CCNY: variants seen among roughly 807,000 people sequenced by gnomAD.
CCNY encodes the protein cyclin-Y.
A neutral mutation model predicts 42.8 loss-of-function variants in CCNY; 19 were observed. The observed-to-expected ratio is 0.44, with a 90% CI of 0.31 to 0.65. The LOEUF (loss-of-function observed/expected upper bound fraction) is 0.65, where lower values mean the gene tolerates loss of function less well. Among genes scored for constraint, CCNY ranks in the 30% least tolerant of loss-of-function variants. CCNY has a pLI of 0.07. For synonymous variants in CCNY, 165 were observed against 162.7 expected (o/e 1.01, Z -0.11); for missense variants, 370 against 437.3 (o/e 0.85, Z 1.37).
upstream of CCNY, among the ~76,000 whole-genome samples, chr10:35,332,790 G>A (rs1264318521): frequency 6.6e-6 from 1 of 152,132 alleles, no homozygotes; most frequent in Non-Finnish European, 1.5e-5. Context: ...ATTTTTAATA[G>A]AGACAGGGTT....
intron 1 of CCNY, among the ~76,000 whole-genome samples, chr10:35,346,814 A>G (rs754422440): frequency 1.4e-4 from 22 of 152,104 alleles, no homozygotes; most frequent in Admixed American, 2.6e-4. Flanking sequence ...TTTTGTAGAG[A>G]CAGGGTTACG....
At chr10:35,338,110 G>A (rs1420855040) in intron 1 of CCNY, among the ~76,000 whole-genome samples, 1 of 152,148 alleles carries the variant, frequency 6.6e-6, no homozygotes, top group Non-Finnish European at 1.5e-5. Flanking sequence ...TTTATGACAA[G>A]GTGATTTTTT....
intron 1 of CCNY, among the ~76,000 whole-genome samples, chr10:35,344,749 C>T (rs983461505): frequency 6.6e-5 from 10 of 152,052 alleles, no homozygotes; most frequent in Admixed American, 3.3e-4. Context: ...CAACAGGCCC[C>T]GGTGTGTGAT....
At chr10:35,258,646 C>T (rs1565054655) in intron 3 of CCNY, among the ~76,000 whole-genome samples, 2 of 152,102 alleles carry the variant, frequency 1.3e-5, no homozygotes, top group Non-Finnish European at 2.9e-5. Flanking sequence ...GTTCAATCTG[C>T]CTTAGAAACA....
chr10:35,359,192 T>A (rs1216032752), intron 1 of CCNY, among the ~76,000 whole-genome samples: 1 of 152,188 alleles, frequency 6.6e-6, no homozygotes, highest in Non-Finnish European at 1.5e-5. Flanking sequence ...TCAGTGTTAC[T>A]CCCCAGCTGT....
intron 1 of CCNY, among the ~76,000 whole-genome samples, chr10:35,447,620 T>C (rs1040172906): frequency 1.3e-5 from 2 of 152,098 alleles, no homozygotes; most frequent in African/African-American, 4.8e-5. Flanking sequence ...AGGTTTGAGG[T>C]GTTGTTTAGT....
intron 2 of CCNY, among the ~76,000 whole-genome samples, chr10:35,484,718 ACT>A (rs1349058806): frequency 6.6e-6 from 1 of 152,224 alleles, no homozygotes; most frequent in Non-Finnish European, 1.5e-5. Flanking sequence ...TTTTGCAGAC[ACT>A]GATAGTACTA....
At chr10:35,309,535 C>T (rs1291339809) in intron 3 of CCNY, among the ~76,000 whole-genome samples, 1 of 152,076 alleles carries the variant, frequency 6.6e-6, no homozygotes, top group African/African-American at 2.4e-5. Context: ...ATACTTCTGC[C>T]TCACTCTCCC....
intron 1 of CCNY, among the ~76,000 whole-genome samples, chr10:35,398,228 A>G (rs942652672): frequency 1.3e-5 from 2 of 152,164 alleles, no homozygotes; most frequent in African/African-American, 4.8e-5. Context: ...CTGGCCCTCC[A>G]TTCTCTGCAG....
chr10:35,420,943 A>G (rs1165840852), intron 1 of CCNY, among the ~76,000 whole-genome samples: 2 of 152,252 alleles, frequency 1.3e-5, no homozygotes, highest in Non-Finnish European at 2.9e-5. Context: ...CATACCCTGC[A>G]GCATTTTAAG....
At chr10:35,339,823 G>A (rs1253310915) in intron 1 of CCNY, among the ~76,000 whole-genome samples, 1 of 152,104 alleles carries the variant, frequency 6.6e-6, no homozygotes. Context: ...GCAACTTAAT[G>A]TGTCTTTTTG....
chr10:35,312,141 G>A (rs1449022079), intron 3 of CCNY, among the ~76,000 whole-genome samples: 2 of 152,162 alleles, frequency 1.3e-5, no homozygotes, highest in South Asian at 2.1e-4. Context: ...CCTTTGGGAC[G>A]CTGAGGCAGG....
chr10:35,322,719 A>C (rs1454092695), intron 3 of CCNY, among the ~76,000 whole-genome samples: 1 of 152,232 alleles, frequency 6.6e-6, no homozygotes, highest in Non-Finnish European at 1.5e-5. Flanking sequence ...TTAGTATCCA[A>C]CATGCACACA....
intron 1 of CCNY, among the ~76,000 whole-genome samples, chr10:35,341,436 CACTTTATGATAT>C (rs893915992): frequency 3.3e-5 from 5 of 152,360 alleles, no homozygotes; most frequent in Admixed American, 2.0e-4. Flanking sequence ...TATTCCTTAA[CACTTTATGATAT>C]ACTATATAAG....
intron 1 of CCNY, among the ~76,000 whole-genome samples, chr10:35,468,365 A>G (rs543257038): frequency 1.3e-5 from 2 of 152,304 alleles, no homozygotes; most frequent in East Asian, 3.9e-4. Flanking sequence ...GGACACAAAT[A>G]TTCAGTCTGT....
intron 3 of CCNY, among the ~76,000 whole-genome samples, chr10:35,276,760 C>T (rs887823273): frequency 5.9e-5 from 9 of 152,216 alleles, no homozygotes; most frequent in African/African-American, 1.9e-4. Context: ...GAACTCTCCA[C>T]AATTTTGGGG....
chr10:35,515,590 G>T (rs999259017), intron 3 of CCNY, among the ~76,000 whole-genome samples: 4 of 152,182 alleles, frequency 2.6e-5, no homozygotes, highest in Non-Finnish European at 4.4e-5. Flanking sequence ...ATCCCCAAGG[G>T]ATTATTAAGT....
chr10:35,521,213 G>A (rs1840539232), intron 4 of CCNY, among the ~76,000 whole-genome samples: 1 of 152,218 alleles, frequency 6.6e-6, no homozygotes, highest in Non-Finnish European at 1.5e-5. Flanking sequence ...AAACCCTATA[G>A]TCCAAATGTT....
At chr10:35,467,705 A>G (rs1008312483) in intron 1 of CCNY, among the ~76,000 whole-genome samples, 2 of 152,212 alleles carry the variant, frequency 1.3e-5, no homozygotes. Flanking sequence ...TAGTAGGTGG[A>G]TCCCAGTTTC....
Sources: allele counts gnomAD v4.1 joint callset (sites outside exome capture counted in the v4.1 genomes callset), GRCh38; gene constraint gnomAD v4.1.1; transcripts MANE v1.5; gene names NCBI Gene and HGNC (gene_info 2026-07-23, HGNC 2026-07-21).